The following ARHGEF10L variants were observed in gnomAD, a reference collection of about 807,000 sequenced individuals.
ARHGEF10L encodes Rho guanine nucleotide exchange factor 10 like, also known as rho guanine nucleotide exchange factor 10-like protein.
In ARHGEF10L, 69 loss-of-function variants were observed where a neutral mutation model predicts 141.2. That is an observed-to-expected ratio of 0.49 (90% CI 0.40 to 0.60). The LOEUF is 0.60. ARHGEF10L is among the 20% of genes least tolerant of loss of function. ARHGEF10L has a pLI of 0.00. For missense variants in ARHGEF10L, 1,482 were observed against 1,734.3 expected (o/e 0.85, Z 2.58); for synonymous variants, 711 against 718.5 (o/e 0.99, Z 0.17).
chr1:17,586,019 G>A lies in ARHGEF10L; in HGVS notation c.38-1441G>A, dbSNP rs944466296. 3.3e-5 allele frequency among the ~76,000 whole-genome samples: 5 copies of A among 152,320 alleles called. 1 individual carries two copies. The South Asian group carries it at 1.0e-3, about 32-fold the overall frequency. ...ACCCTCCAGGGGGACATATGGCAAT[G>A]TGTGGAGACATTTTTGGTTGTCACA... On this transcript the variant is annotated intron_variant, in intron 2 of 28. Transcript: ENST00000361221.
the ARHGEF10L span, among the ~76,000 whole-genome samples, chr1:17,522,152 G>A: frequency 6.6e-6 from 1 of 152,130 alleles, no homozygotes; most frequent in Non-Finnish European, 1.5e-5. Context: ...TGGCAGAGGG[G>A]TGGGAGGGGC....
rs765155996 is a variant in ARHGEF10L at position 17,625,956 on chromosome 1, C to A, written c.1318C>A (p.Arg440=). The A allele has an allele frequency of 2.5e-6, 4 of 1,613,484 alleles. No individual in the cohort carries two copies. In the African/African-American group the frequency reaches 5.3e-5, roughly 22 times the overall value. The change falls in exon 14 of 29, where the codon CGA becomes AGA. Residue 440 remains arginine, a splice_region_variant and synonymous_variant. Coordinates refer to ENST00000361221, the MANE Select transcript of ARHGEF10L (RefSeq NM_018125.4). This position sits in a 1 kb window ranked among gnomAD's most constrained non-coding sequence, Gnocchi z 4.5. The part of the protein sequence containing the change: ...TKPAFLEFLK[R]RQVCSPDRVT... ...AATGACGGAACCTTGTCTCCACCAG[C>A]GACGGCAGGTGTGCAGCCCAGACCG...
chr1:17,630,342 G>A (rs1557872449), intron 15 of ARHGEF10L, among the ~76,000 whole-genome samples: 3 of 152,260 alleles, frequency 2.0e-5, no homozygotes, highest in East Asian at 1.9e-4. Flanking sequence ...AGGGGGCAGC[G>A]CTGACTGCCA....
intron 26 of ARHGEF10L, among the ~76,000 whole-genome samples, chr1:17,684,126 G>A (rs747475550): frequency 2.0e-5 from 3 of 152,172 alleles, no homozygotes; most frequent in Non-Finnish European, 2.9e-5. Flanking sequence ...CCCACTGCTC[G>A]CCGACAGCAG....
the ARHGEF10L span, among the ~76,000 whole-genome samples, chr1:17,514,769 C>T: frequency 6.6e-6 from 1 of 152,138 alleles, no homozygotes; most frequent in Non-Finnish European, 1.5e-5. Flanking sequence ...TTGGGGGGAC[C>T]TCTAAAAGTC....
chr1:17,561,511 GA>G (rs761589342), intron 1 of ARHGEF10L, among the ~76,000 whole-genome samples: 3 of 152,228 alleles, frequency 2.0e-5, no homozygotes, highest in African/African-American at 4.8e-5. Flanking sequence ...CTGTCTCGCA[GA>G]GGGGGAGCCT....
chr1:17,616,642 A>G (rs1428142483), intron 9 of ARHGEF10L, among the ~76,000 whole-genome samples: 2 of 152,232 alleles, frequency 1.3e-5, no homozygotes, highest in South Asian at 4.1e-4. Flanking sequence ...ATGTATCAGC[A>G]GTGCCTCTGG....
intron 15 of ARHGEF10L, among the ~76,000 whole-genome samples, chr1:17,629,780 T>C (rs1254424525): frequency 1.3e-5 from 2 of 152,238 alleles, no homozygotes; most frequent in Admixed American, 6.5e-5. Flanking sequence ...CCACCCGTGC[T>C]GGCCTTTGCG....
chr1:17,657,275 G>T (rs1055620731), intron 25 of ARHGEF10L, among the ~76,000 whole-genome samples: 7 of 152,218 alleles, frequency 4.6e-5, no homozygotes, highest in African/African-American at 1.7e-4. Context: ...CTCCAGGGCA[G>T]GGGTAAAGTG....
intron 6 of ARHGEF10L, among the ~76,000 whole-genome samples, chr1:17,606,114 C>T (rs1446223369): frequency 6.6e-6 from 1 of 152,234 alleles, no homozygotes; most frequent in Admixed American, 6.5e-5. Flanking sequence ...GAGTGACGGC[C>T]TACTGCTCTC....
intron 25 of ARHGEF10L, among the ~76,000 whole-genome samples, chr1:17,657,723 C>T (rs1009056405): frequency 2.0e-5 from 3 of 152,318 alleles, no homozygotes; most frequent in African/African-American, 7.2e-5. Context: ...ACCCTTCTCA[C>T]CGTCAGACAG....
At chr1:17,664,382 C>G (rs530567910) in intron 25 of ARHGEF10L, 65 bp from the exon 26 acceptor site, 70 of 1,546,934 alleles carry the variant, frequency 4.5e-5, no homozygotes, top group Non-Finnish European at 5.6e-5. Context: ...TGCTGCTGGC[C>G]TGCGTTCCCA....
intron 26 of ARHGEF10L, among the ~76,000 whole-genome samples, chr1:17,686,642 C>T (rs536940791): frequency 6.6e-6 from 1 of 152,120 alleles, no homozygotes; most frequent in Admixed American, 6.5e-5. Context: ...GGCAGGGGTG[C>T]GGCTGTGTGG....
chr1:17,690,783 G>A (rs1371668919), intron 27 of ARHGEF10L, among the ~76,000 whole-genome samples: 1 of 152,196 alleles, frequency 6.6e-6, no homozygotes, highest in Non-Finnish European at 1.5e-5. Flanking sequence ...AGCTGAGCCA[G>A]AGCCAGCCCC....
chr1:17,537,854 C>CAAAAAAAAAAAAAAA (rs10611023), upstream of ARHGEF10L, among the ~76,000 whole-genome samples: 1 of 79,842 alleles, frequency 1.3e-5, no homozygotes, highest in East Asian at 3.7e-4. Context: ...ACCATCTCTA[C>CAAAAAAAAAAAAAAA]AAAAAAAAAA....
intron 26 of ARHGEF10L, among the ~76,000 whole-genome samples, chr1:17,665,664 A>G (rs1169531419): frequency 6.6e-6 from 1 of 152,208 alleles, no homozygotes; most frequent in African/African-American, 2.4e-5. Flanking sequence ...TAATGGGAAT[A>G]AGTGTCCCGT....
At chr1:17,685,053 A>G (rs2064449637) in intron 26 of ARHGEF10L, among the ~76,000 whole-genome samples, 1 of 151,980 alleles carries the variant, frequency 6.6e-6, no homozygotes, top group Non-Finnish European at 1.5e-5. Context: ...TCCTTAACTC[A>G]GTGGGAAACC....
intron 4 of ARHGEF10L, among the ~76,000 whole-genome samples, chr1:17,589,747 T>C (rs569662111): frequency 6.6e-6 from 1 of 152,320 alleles, no homozygotes; most frequent in African/African-American, 2.4e-5. Flanking sequence ...CCGTGATGGC[T>C]GCAGTCTTCC....
At chr1:17,564,381 G>T (rs1325873384) in intron 1 of ARHGEF10L, among the ~76,000 whole-genome samples, 1 of 152,186 alleles carries the variant, frequency 6.6e-6, no homozygotes, top group African/African-American at 2.4e-5. Flanking sequence ...CTTCAGGGGG[G>T]CCACTGGTCT....
Sources: gnomAD v4.1 joint callset for allele counts (sites outside exome capture counted in the v4.1 genomes callset) on GRCh38, gnomAD v4.1.1 for gene constraint, Gnocchi (gnomAD v3.1) non-coding constraint, MANE v1.5 for transcripts, NCBI Gene and HGNC (gene_info 2026-07-23, HGNC 2026-07-21) for gene names.